The following CCDC192 variants were observed in gnomAD, a reference collection of about 807,000 sequenced individuals.
CCDC192 encodes the protein coiled-coil domain containing 192.
At chr5:127,917,190 T>G (rs1260285995) in intron 6 of CCDC192, among the ~76,000 whole-genome samples, 2 of 152,242 alleles carry the variant, frequency 1.3e-5, no homozygotes, top group East Asian at 3.8e-4. Flanking sequence ...CTCACCTCTC[T>G]CAGCCTTCAT....
Position 127,916,109 on chromosome 5 carries a change from T to C in CCDC192, c.536-25073T>C, listed in dbSNP as rs558055971. ...TGAAATATTCTAAATCATTTGTTGT[T>C]ATTTCAACAAGGTTCACAGCATCTT... On this transcript the variant is annotated intron_variant, in intron 6 of 6. Coordinates refer to ENST00000514853, the MANE Select transcript of CCDC192 (RefSeq NM_001317938.2). Among the ~76,000 whole-genome samples the C allele has an allele frequency of 2.0e-3, 302 of 152,342 alleles. 3 individuals carry two copies. The South Asian group carries it at 0.021, about 11-fold the overall frequency.
intron 5 of CCDC192, among the ~76,000 whole-genome samples, chr5:127,874,146 A>G (rs1454781010): frequency 6.6e-6 from 1 of 152,128 alleles, no homozygotes; most frequent in Non-Finnish European, 1.5e-5. Context: ...CTTTACAAGT[A>G]CTGCCATGAA....
At chr5:127,898,533 C>A (rs1278790811) in intron 6 of CCDC192, among the ~76,000 whole-genome samples, 11 of 152,106 alleles carry the variant, frequency 7.2e-5, no homozygotes, top group Admixed American at 7.2e-4. Context: ...TGAAATCATG[C>A]CCTACTTTTA....
At chr5:127,933,945 G>A (rs1050898139) in intron 6 of CCDC192, among the ~76,000 whole-genome samples, 2 of 152,194 alleles carry the variant, frequency 1.3e-5, no homozygotes, top group Admixed American at 6.5e-5. Flanking sequence ...CCAGAACTAT[G>A]AGAAATAAAA....
intron 5 of CCDC192, among the ~76,000 whole-genome samples, chr5:127,823,567 C>T (rs1749395068): frequency 6.6e-6 from 1 of 152,200 alleles, no homozygotes; most frequent in Non-Finnish European, 1.5e-5. Flanking sequence ...ACTAGGCCAG[C>T]TTTCCCCTGT....
intron 2 of CCDC192, among the ~76,000 whole-genome samples, chr5:127,746,307 C>T (rs1412567946): frequency 6.6e-6 from 1 of 152,172 alleles, no homozygotes; most frequent in African/African-American, 2.4e-5. Flanking sequence ...TTGGCTTTGA[C>T]TTATATTGCT....
intron 5 of CCDC192, among the ~76,000 whole-genome samples, chr5:127,832,965 G>T (rs1391006579): frequency 6.6e-6 from 1 of 152,136 alleles, no homozygotes; most frequent in African/African-American, 2.4e-5. Context: ...CTAAGCCAAA[G>T]AAAGGAGTTA....
rs184041615 is a variant in CCDC192, at chr5:127,727,652, C to T, written c.114+19892C>T. Among the ~76,000 whole-genome samples, 3 of 152,244 alleles carry T rather than the reference C, an allele frequency of 2.0e-5. No homozygotes were observed. The East Asian group carries it at 5.8e-4, about 29-fold the overall frequency. On this transcript the variant is annotated intron_variant, in intron 2 of 6. Coordinates refer to ENST00000514853, the MANE Select transcript of CCDC192 (RefSeq NM_001317938.2). ...CCTCTTCTGCTCCAAATGATCACAA[C>T]ACCTCTCCAGCAAGGGAACAGAACT...
In CCDC192 at chr5:127,858,974, A is replaced by G. The variant is rs1261679239; in HGVS notation, c.412-16564A>G. On this transcript the variant is annotated intron_variant, in intron 5 of 6. Coordinates refer to ENST00000514853, the MANE Select transcript of CCDC192 (RefSeq NM_001317938.2). The stretch of plus-strand genomic sequence containing the variant: ...CTGTCACATAAAAATTGTGTTGAGT[A>G]TAGATGTACTAAATTAAAAAATGAA... Among the ~76,000 whole-genome samples, 5 of 152,360 alleles carry G rather than the reference A, an allele frequency of 3.3e-5. No homozygotes were observed. In the East Asian group the frequency reaches 9.6e-4, roughly 29 times the overall value.
intron 5 of CCDC192, among the ~76,000 whole-genome samples, chr5:127,859,326 C>G (rs1283304849): frequency 6.6e-6 from 1 of 152,116 alleles, no homozygotes; most frequent in African/African-American, 2.4e-5. Context: ...CTTCTCCAGT[C>G]TAATGTCTCT....
At chr5:127,792,578 C>G (rs1010432183) in intron 3 of CCDC192, among the ~76,000 whole-genome samples, 29 of 150,164 alleles carry the variant, frequency 1.9e-4, no homozygotes, top group African/African-American at 6.9e-4. Context: ...TGGTGGTGTG[C>G]AGCTGTAGTC....
At chr5:127,753,135 C>T (rs116572994) in intron 2 of CCDC192, among the ~76,000 whole-genome samples, 6 of 152,188 alleles carry the variant, frequency 3.9e-5, no homozygotes, top group Middle Eastern at 3.4e-3. Flanking sequence ...CTTGGCTCCT[C>T]GCAGTTCATT....
At chr5:127,756,808 G>A (rs1388510312) in intron 3 of CCDC192, among the ~76,000 whole-genome samples, 1 of 152,230 alleles carries the variant, frequency 6.6e-6, no homozygotes, top group Non-Finnish European at 1.5e-5. Context: ...AGTTAGTTCG[G>A]CCTATGCCCA....
intron 2 of CCDC192, among the ~76,000 whole-genome samples, chr5:127,738,745 C>T (rs1036668765): frequency 3.9e-5 from 6 of 152,180 alleles, no homozygotes; most frequent in Admixed American, 6.5e-5. Context: ...CTTCTGCATT[C>T]GTCACGTAGT....
At chr5:127,828,629 C>A (rs1287836127) in intron 5 of CCDC192, among the ~76,000 whole-genome samples, 1 of 152,122 alleles carries the variant, frequency 6.6e-6, no homozygotes, top group African/African-American at 2.4e-5. Flanking sequence ...CATGCTAAGA[C>A]AGGGTAAATA....
At chr5:127,717,211 A>G (rs1393121211) in intron 2 of CCDC192, among the ~76,000 whole-genome samples, 1 of 152,172 alleles carries the variant, frequency 6.6e-6, no homozygotes, top group African/African-American at 2.4e-5. Flanking sequence ...TGCAATGTTC[A>G]TATATTCAAT....
chr5:127,799,201 A>G (rs890873380), intron 5 of CCDC192, among the ~76,000 whole-genome samples: 3 of 152,214 alleles, frequency 2.0e-5, no homozygotes, highest in African/African-American at 7.2e-5. Flanking sequence ...GCAAGATAAT[A>G]CATTCTGGTG....
At chr5:127,764,639 G>A (rs894369383) in intron 3 of CCDC192, among the ~76,000 whole-genome samples, 1 of 151,848 alleles carries the variant, frequency 6.6e-6, no homozygotes, top group African/African-American at 2.4e-5. Context: ...TTAACTCTGG[G>A]GTGTCTAATC....
chr5:127,845,950 C>T (rs1420125166), intron 5 of CCDC192, among the ~76,000 whole-genome samples: 2 of 152,066 alleles, frequency 1.3e-5, no homozygotes, highest in Non-Finnish European at 2.9e-5. Flanking sequence ...CAATGGTCTC[C>T]CTTGAATCTA....
Sources: gnomAD v4.1 joint callset for allele counts (sites outside exome capture counted in the v4.1 genomes callset) on GRCh38, gnomAD v4.1.1 for gene constraint, MANE v1.5 for transcripts, NCBI Gene and HGNC (gene_info 2026-07-23, HGNC 2026-07-21) for gene names.